Variants in ARHGEF4 observed in about 807,000 individuals in gnomAD.
ARHGEF4 encodes the protein Rho guanine nucleotide exchange factor 4.
Under a neutral mutation model 162.0 loss-of-function variants are expected in ARHGEF4, and 119 were observed. The observed-to-expected ratio is 0.73, with a 90% CI of 0.63 to 0.86. ARHGEF4 has a LOEUF of 0.86. ARHGEF4 is among the 40% of genes least tolerant of loss of function. ARHGEF4 has a pLI of 0.00. For missense variants in ARHGEF4, 2,488 were observed against 2,456.0 expected (o/e 1.01, Z -0.28); for synonymous variants, 1,014 against 979.9 (o/e 1.03, Z -0.65).
intron 1 of ARHGEF4, among the ~76,000 whole-genome samples, chr2:130,840,499 A>G (rs547129998): frequency 2.6e-5 from 4 of 152,172 alleles, no homozygotes; most frequent in African/African-American, 9.6e-5. Flanking sequence ...ATGAGCCACT[A>G]TTTTGGAGGG....
chr2:130,839,602 A>G (rs1041237844), intron 1 of ARHGEF4, among the ~76,000 whole-genome samples: 1 of 152,138 alleles, frequency 6.6e-6, no homozygotes, highest in Admixed American at 6.5e-5. Context: ...CCAGTCGGAG[A>G]GCCTGCACCT....
intron 2 of ARHGEF4, among the ~76,000 whole-genome samples, chr2:130,917,818 T>C (rs1393886310): frequency 9.0e-6 from 1 of 110,544 alleles, no homozygotes; most frequent in African/African-American, 3.6e-5. Context: ...TCTTTTTCTT[T>C]TTTTCTTTTT....
chr2:130,870,578 A>G (rs187491200), intron 1 of ARHGEF4, among the ~76,000 whole-genome samples: 2 of 152,240 alleles, frequency 1.3e-5, no homozygotes, highest in East Asian at 3.9e-4. Context: ...CCTTGAAGTG[A>G]GTGAGGGTCA....
chr2:130,892,036 G>T (rs1428230599), intron 1 of ARHGEF4, among the ~76,000 whole-genome samples: 8 of 152,166 alleles, frequency 5.3e-5, no homozygotes, highest in African/African-American at 1.7e-4. Context: ...TAGAGACAGG[G>T]TTTTGCTGTG....
intron 2 of ARHGEF4, among the ~76,000 whole-genome samples, chr2:130,925,375 T>C (rs988464707): frequency 6.6e-5 from 10 of 152,184 alleles, no homozygotes; most frequent in Non-Finnish European, 4.4e-5. Context: ...AGCAATTCAA[T>C]GGATAGTCTT....
chr2:130,916,697 A>G lies in ARHGEF4; in HGVS notation c.2751A>G (p.Ser917=), dbSNP rs1238699409. 3 of 1,550,646 alleles carry G rather than the reference A, an allele frequency of 1.9e-6. No individual in the cohort carries two copies. In the South Asian group the frequency reaches 3.6e-5, roughly 18 times the overall value. The change falls in exon 2 of 14, where the codon TCA becomes TCG. Residue 917 remains serine (S), a synonymous_variant. Coordinates refer to ENST00000409359, the MANE Select transcript of ARHGEF4 (RefSeq NM_001367493.1). Reference sequence around the variant, plus strand: ...TGGCCTTGGCTCATAAGACCTTTTCAAACTTTATTGAGTCAATAGTTCTAG... The same window carrying G: ...TGGCCTTGGCTCATAAGACCTTTTCGAACTTTATTGAGTCAATAGTTCTAG... ...ARLALAHKTF[S]NFIESIVLEK... is the part of the protein sequence containing the mutation.
chr2:130,964,086 G>A, intron 4 of ARHGEF4: 4 of 804,132 alleles, frequency 5.0e-6, no homozygotes, highest in African/African-American at 1.9e-5. Context: ...GCGGGCAGAC[G>A]AGTGGCGATC....
chr2:130,913,750 G>C (rs937288947), intron 1 of ARHGEF4, among the ~76,000 whole-genome samples: 16 of 152,146 alleles, frequency 1.1e-4, no homozygotes, highest in Admixed American at 1.0e-3. Flanking sequence ...ATTTTTAATG[G>C]GGTTGTTTTA....
rs187008388 is a variant in ARHGEF4, at chr2:130,951,688, A to G, written c.3985+5053A>G. ...ATTTTATTAATGATTCTTTCACTGTATTTTTTGAGATTTGTTTTTAATGGT... is the reference window on the plus strand; with the variant it reads ...ATTTTATTAATGATTCTTTCACTGTGTTTTTTGAGATTTGTTTTTAATGGT... On this transcript the variant is annotated intron_variant, in intron 4 of 13. Coordinates refer to ENST00000409359, the MANE Select transcript of ARHGEF4 (RefSeq NM_001367493.1). Among the ~76,000 whole-genome samples the G allele has an allele frequency of 2.3e-3, 354 of 152,034 alleles. 2 individuals carry two copies. The highest frequency in any genetic ancestry group is 8.1e-3 in the African/African-American group (335 of 41,496).
At chr2:130,952,974 T>G (rs1227393321) in intron 4 of ARHGEF4, among the ~76,000 whole-genome samples, 1 of 152,072 alleles carries the variant, frequency 6.6e-6, no homozygotes, top group African/African-American at 2.4e-5. Context: ...AAAATGGCCA[T>G]ACTGCCCAAG....
rs764379253 is a variant in ARHGEF4, at chr2:130,916,699, ACTT to A, written c.2754_2756del (p.Phe919del). The A allele has an allele frequency of 6.4e-7, 1 of 1,550,644 alleles. No homozygotes were observed. The highest frequency in any genetic ancestry group is 1.2e-5 in the South Asian group (1 of 84,064). On this transcript the variant is annotated inframe_deletion, in exon 2 of 14. Transcript: ENST00000409359. ...GCCTTGGCTCATAAGACCTTTTCAA[ACTT>A]TATTGAGTCAATAGTTCTAGAGAAA...
At chr2:130,956,331 A>C (rs1011183348) in intron 4 of ARHGEF4, among the ~76,000 whole-genome samples, 2 of 152,058 alleles carry the variant, frequency 1.3e-5, no homozygotes, top group African/African-American at 4.8e-5. Context: ...CAGGTGCTGG[A>C]GAGGATGTGG....
At chr2:131,018,642 T>G (rs2105347729) in intron 4 of ARHGEF4, among the ~76,000 whole-genome samples, 1 of 152,376 alleles carries the variant, frequency 6.6e-6, no homozygotes, top group Non-Finnish European at 1.5e-5. Context: ...TTGCCTGTGC[T>G]TTTGGTCTTA....
rs1682602515 is a variant in ARHGEF4, at chr2:130,931,062, G to A, written c.3663G>A (p.Val1221=). The change falls in exon 3 of 14, where the codon GTG becomes GTA. Residue 1221 remains valine, a synonymous_variant. Coordinates refer to ENST00000409359, the MANE Select transcript of ARHGEF4 (RefSeq NM_001367493.1). ...AGCCCTGCTTCACCACTGACATGGT[G>A]ACATGGGCCCTCCTCTGCATCTCTG... The part of the protein sequence containing the change: ...AQKPCFTTDM[V]TWALLCISAE... 1 of 1,614,218 alleles carries A rather than the reference G, an allele frequency of 6.2e-7. No homozygotes were observed. Among genetic ancestry groups the A allele is most frequent in the African/African-American group, 1.3e-5 (1 of 75,074 alleles).
At chr2:131,010,925 C>T (rs1688408081) in intron 4 of ARHGEF4, among the ~76,000 whole-genome samples, 1 of 152,148 alleles carries the variant, frequency 6.6e-6, no homozygotes, top group South Asian at 2.1e-4. Context: ...TAAAGCAGAT[C>T]CAGAATGGAT....
At position 130,839,883 on chromosome 2, in the gene ARHGEF4, C is replaced by T. The variant is rs147095830; in HGVS notation, c.39+2891C>T. 3.3e-5 allele frequency among the ~76,000 whole-genome samples: 5 copies of T among 152,250 alleles called. No homozygotes were observed. In the East Asian group the frequency reaches 9.7e-4, roughly 29 times the overall value. On this transcript the variant is annotated intron_variant, in intron 1 of 13. Transcript: ENST00000409359. ...TCCTACTCTCTGGTACATGTATGTC[C>T]TAACACTTAGGGTACTTTGCTACTT...
intron 4 of ARHGEF4, among the ~76,000 whole-genome samples, chr2:130,974,606 A>C (rs1192200640): frequency 1.6e-5 from 2 of 126,444 alleles, no homozygotes; most frequent in Non-Finnish European, 3.2e-5. Flanking sequence ...ACACGCCACC[A>C]CACCCAGCTA....
chr2:130,910,024 C>T (rs1681078581), intron 1 of ARHGEF4, among the ~76,000 whole-genome samples: 1 of 151,916 alleles, frequency 6.6e-6, no homozygotes, highest in African/African-American at 2.4e-5. Context: ...GAGCCACACG[C>T]TGGTTAAAAG....
At chr2:130,926,770 G>C (rs909016877) in intron 2 of ARHGEF4, among the ~76,000 whole-genome samples, 9 of 129,626 alleles carry the variant, frequency 6.9e-5, no homozygotes, top group African/African-American at 2.5e-4. Flanking sequence ...TCAAAGACAG[G>C]TTTATTTTGG....
Sources: allele counts gnomAD v4.1 joint callset (sites outside exome capture counted in the v4.1 genomes callset), GRCh38; gene constraint gnomAD v4.1.1; transcripts MANE v1.5; gene names NCBI Gene and HGNC (gene_info 2026-07-23, HGNC 2026-07-21).